Variants in DIS3L2 observed in about 807,000 individuals in gnomAD.
DIS3L2 encodes DIS3-like exonuclease 2.
In DIS3L2, 34 loss-of-function variants were observed where a neutral mutation model predicts 97.5. The ratio of observed to expected loss-of-function variants is 0.35; its 90% CI spans 0.27 to 0.46. DIS3L2 has a LOEUF of 0.46. Among genes scored for constraint, DIS3L2 ranks in the 20% least tolerant of loss-of-function variants. DIS3L2 has a pLI of 1.00. For missense variants in DIS3L2, 1,038 were observed against 1,146.0 expected, an observed-to-expected ratio of 0.91 and a Z score of 1.36; for synonymous variants, 435 against 445.2, an observed-to-expected ratio of 0.98 and a Z score of 0.29.
chr2:232,202,857 T>C (rs1033161625), intron 9 of DIS3L2, among the ~76,000 whole-genome samples: 1 of 152,230 alleles, frequency 6.6e-6, no homozygotes, highest in African/African-American at 2.4e-5. Context: ...CGTGAAACAG[T>C]ATTATGATAT....
intron 6 of DIS3L2, among the ~76,000 whole-genome samples, chr2:232,117,409 G>T (rs538543840): frequency 3.9e-4 from 60 of 152,324 alleles, no homozygotes; most frequent in African/African-American, 1.4e-3. Flanking sequence ...ACGTAAATCA[G>T]ATGATTCTTG....
At chr2:232,220,578 G>A (rs1230061277) in intron 10 of DIS3L2, among the ~76,000 whole-genome samples, 3 of 151,936 alleles carry the variant, frequency 2.0e-5, no homozygotes, top group East Asian at 1.9e-4. Context: ...GTGGTGGCAC[G>A]CGCCTGTAAT....
chr2:232,242,901 A>C lies in DIS3L2; in HGVS notation c.1317+4256A>C, dbSNP rs544296843. On this transcript the variant is annotated intron_variant, in intron 11 of 20. Transcript: ENST00000325385. ...TTTTCTGCTGCCTGAAGTGCTTATC[A>C]GTCTTCCTCCACTTGGTATTTATTG... Among the ~76,000 whole-genome samples the C allele has an allele frequency of 5.3e-5, 8 of 152,314 alleles. No homozygotes were observed. In the South Asian group the frequency reaches 1.7e-3, roughly 32 times the overall value.
intron 4 of DIS3L2, among the ~76,000 whole-genome samples, chr2:232,026,466 G>A (rs1694659295): frequency 6.6e-6 from 1 of 151,980 alleles, no homozygotes; most frequent in African/African-American, 2.4e-5. Context: ...CCAAACGTGG[G>A]CATCCTATCC....
chr2:232,113,773 C>T (rs1697615243), intron 6 of DIS3L2, among the ~76,000 whole-genome samples: 1 of 152,154 alleles, frequency 6.6e-6, no homozygotes, highest in African/African-American at 2.4e-5. Context: ...CAGTTTAAAA[C>T]AAAGATGATA....
chr2:232,217,132 C>T (rs753007498), intron 10 of DIS3L2, among the ~76,000 whole-genome samples: 2 of 152,186 alleles, frequency 1.3e-5, no homozygotes, highest in East Asian at 1.9e-4. Context: ...TGAGCCACCG[C>T]GCCTGGCCAC....
chr2:232,030,111 A>C, intron 5 of DIS3L2, 31 bp downstream of exon 5: 1 of 1,588,370 alleles, frequency 6.3e-7, no homozygotes, highest in Non-Finnish European at 8.6e-7. Flanking sequence ...CTAATTACAG[A>C]TTTCTTAGGG....
At chr2:232,285,106 G>GTTT (rs1389210366) in intron 13 of DIS3L2, among the ~76,000 whole-genome samples, 1 of 152,136 alleles carries the variant, frequency 6.6e-6, no homozygotes. Context: ...TTTTGTTGTT[G>GTTT]TTTTGGGTTT....
At chr2:232,329,786 C>CCCCGGGCG in intron 14 of DIS3L2, 27 bp from the exon 15 acceptor site, 3 of 430,238 alleles carry the variant, frequency 7.0e-6, no homozygotes, top group Non-Finnish European at 1.3e-5. Flanking sequence ...CCCCAGCGGT[C>CCCCGGGCG]CCTCCCATCC....
intron 5 of DIS3L2, among the ~76,000 whole-genome samples, chr2:232,071,228 A>G (rs1421357134): frequency 6.6e-6 from 1 of 152,200 alleles, no homozygotes; most frequent in Non-Finnish European, 1.5e-5. Flanking sequence ...GAGTTGTTAG[A>G]GACCTATTCT....
intron 13 of DIS3L2, among the ~76,000 whole-genome samples, chr2:232,286,043 C>A (rs76572615): frequency 4.6e-4 from 70 of 152,342 alleles, no homozygotes; most frequent in Non-Finnish European, 9.4e-4. Context: ...GAAGCCAGCC[C>A]TCTGCCATGC....
chr2:232,266,552 C>T (rs1559183033), intron 13 of DIS3L2, among the ~76,000 whole-genome samples: 1 of 152,184 alleles, frequency 6.6e-6, no homozygotes, highest in South Asian at 2.1e-4. Flanking sequence ...GAAAACAAGT[C>T]CATGGACCCC....
chr2:232,240,817 C>T (rs966073019), intron 11 of DIS3L2, among the ~76,000 whole-genome samples: 5 of 152,212 alleles, frequency 3.3e-5, no homozygotes, highest in South Asian at 2.1e-4. Context: ...CATGAAGCCA[C>T]GGCCATGCAC....
chr2:232,028,603 A>G (rs1694722721), intron 4 of DIS3L2, among the ~76,000 whole-genome samples: 1 of 152,146 alleles, frequency 6.6e-6, no homozygotes, highest in Admixed American at 6.5e-5. Flanking sequence ...TTCATTGCAT[A>G]TGTTTGACAC....
intron 14 of DIS3L2, among the ~76,000 whole-genome samples, chr2:232,309,251 ACT>A (rs1167772030): frequency 1.3e-5 from 2 of 151,952 alleles, no homozygotes; most frequent in Non-Finnish European, 2.9e-5. Context: ...CACTCCCCAG[ACT>A]CTATCTTTCT....
chr2:232,227,031 A>T (rs1692669820), intron 10 of DIS3L2, among the ~76,000 whole-genome samples: 2 of 152,184 alleles, frequency 1.3e-5, no homozygotes, highest in South Asian at 4.1e-4. Flanking sequence ...AGTTATAACT[A>T]ACTGATATAT....
rs1220992981 is a variant in DIS3L2, at chr2:232,292,144, A to G, written c.1660-7896A>G. 1.3e-5 allele frequency among the ~76,000 whole-genome samples: 2 copies of G among 152,150 alleles called. No individual in the cohort carries two copies. Among genetic ancestry groups the G allele is most frequent in the African/African-American group, 2.4e-5 (1 of 41,446 alleles). On this transcript the variant is annotated intron_variant, in intron 13 of 20. Coordinates refer to ENST00000325385, the MANE Select transcript of DIS3L2 (RefSeq NM_152383.5). The surrounding 1 kb of genome is among the most constrained non-coding windows in gnomAD (Gnocchi z 4.4). ...CGTCACGCTTCTGGTTATTCTTATG[A>G]ATGTAGCCTGGCCCACTGTCTTCAC... is the stretch of plus-strand genomic sequence containing the variant.
At chr2:232,257,183 G>A (rs932961153) in intron 12 of DIS3L2, among the ~76,000 whole-genome samples, 7 of 152,092 alleles carry the variant, frequency 4.6e-5, no homozygotes, top group African/African-American at 1.7e-4. Context: ...CTTTTTCAGG[G>A]GAAGCCTGAG....
rs1694297575 is a variant in DIS3L2 at position 232,281,901 on chromosome 2, C to T, written c.1660-18139C>T. The stretch of plus-strand genomic sequence containing the variant: ...AGACATGGGAAGCATCGGGATTGCT[C>T]ATACCTCCCAAAGTACAGCAGGAAG... On this transcript the variant is annotated intron_variant, in intron 13 of 20. Transcript: ENST00000325385. The surrounding 1 kb of genome is among the most constrained non-coding windows in gnomAD (Gnocchi z 4.1). Among the ~76,000 whole-genome samples the T allele has an allele frequency of 6.6e-6, 1 of 152,114 alleles. No individual in the cohort carries two copies. The highest frequency in any genetic ancestry group is 2.4e-5 in the African/African-American group (1 of 41,414).
Sources: allele counts gnomAD v4.1 joint callset (sites outside exome capture counted in the v4.1 genomes callset), GRCh38; gene constraint gnomAD v4.1.1; non-coding constraint Gnocchi (gnomAD v3.1); transcripts MANE v1.5; gene names NCBI Gene and HGNC (gene_info 2026-07-23, HGNC 2026-07-21).